Variants in CADPS2 observed in about 807,000 individuals in gnomAD.
CADPS2 encodes the protein calcium-dependent secretion activator 2.
In CADPS2, 93 loss-of-function variants were observed where a neutral mutation model predicts 172.5. That is an observed-to-expected ratio of 0.54 (90% CI 0.46 to 0.64). The LOEUF (loss-of-function observed/expected upper bound fraction) is 0.64. CADPS2 is among the 30% of genes least tolerant of loss of function. The probability of loss-of-function intolerance (pLI) is 0.00; values close to 1 mark genes in which losing one functional copy is unlikely to be tolerated. For synonymous variants in CADPS2, 546 were observed against 555.2 expected, an observed-to-expected ratio of 0.98 and a Z score of 0.23; for missense variants, 1,420 against 1,565.9, an observed-to-expected ratio of 0.91 and a Z score of 1.57.
chr7:122,645,391 G>GTATATATTTACATATACACACATA (rs1435451978), intron 3 of CADPS2, among the ~76,000 whole-genome samples: 1 of 63,560 alleles, frequency 1.6e-5, no homozygotes, highest in East Asian at 3.3e-4. Flanking sequence ...GTACATGTGT[G>GTATATATTTACATATACACACATA]TGTATATATG....
At chr7:122,679,243 C>T (rs981886242) in intron 2 of CADPS2, among the ~76,000 whole-genome samples, 2 of 117,784 alleles carry the variant, frequency 1.7e-5, no homozygotes, top group African/African-American at 3.2e-5. Context: ...TAATTAACAG[C>T]CCTGGGAAAA....
intron 15 of CADPS2, among the ~76,000 whole-genome samples, chr7:122,449,101 A>T (rs1219084637): frequency 6.6e-6 from 1 of 152,154 alleles, no homozygotes; most frequent in East Asian, 1.9e-4. Context: ...ATGCAAATTT[A>T]TTTATTGTTT....
intron 13 of CADPS2, among the ~76,000 whole-genome samples, chr7:122,472,379 G>A (rs1215745243): frequency 6.6e-6 from 1 of 152,128 alleles, no homozygotes; most frequent in East Asian, 1.9e-4. Flanking sequence ...AGGAGTAAGA[G>A]AAGAACCATC....
chr7:122,831,801 A>G (rs1191290432), intron 1 of CADPS2, among the ~76,000 whole-genome samples: 2 of 152,188 alleles, frequency 1.3e-5, no homozygotes, highest in African/African-American at 4.8e-5. Flanking sequence ...TCCACTCTCA[A>G]ATATAACAAT....
At chr7:122,412,078 G>A (rs987830999) in intron 19 of CADPS2, among the ~76,000 whole-genome samples, 2 of 152,198 alleles carry the variant, frequency 1.3e-5, no homozygotes, top group Non-Finnish European at 2.9e-5. Context: ...GCTGAAATGG[G>A]AATTCTACTT....
rs372569644 is a variant in CADPS2 at position 122,438,345 on chromosome 7, T to C, written c.2472A>G (p.Ile824Met). ...ACAATTGCTCACTGCACTGACCTTC[T>C]ATTTTGGCATATTCTGTGAGTCTAG... ...NYTRLTEYAK[I>M]EETMNQASPA... Residue 824 changes from isoleucine to methionine, a missense_variant, in exon 17 of 30, where the codon ATA becomes ATG. By Grantham distance (10) the Ile-to-Met change is conservative. Coordinates refer to ENST00000449022, the MANE Select transcript of CADPS2 (RefSeq NM_017954.11). 4.2e-5 allele frequency: 67 copies of C among 1,612,832 alleles called. No individual in the cohort carries two copies. The highest frequency in any genetic ancestry group is 5.7e-5 in the Non-Finnish European group (67 of 1,179,152).
rs776456344 is a variant in CADPS2 at position 122,886,285 on chromosome 7, T to C, written c.53A>G (p.Glu18Gly). 2.1e-5 allele frequency: 31 copies of C among 1,505,080 alleles called. No homozygotes were observed. The South Asian group carries it at 3.8e-4, about 19-fold the overall frequency. The allele number at this position is 1,505,080 out of a possible 1,614,324, so 93.2% of individuals were successfully genotyped here. A position where few individuals can be genotyped will look rare whatever the true frequency, so the allele number is the denominator to read the frequency against. Residue 18 changes from glutamate (E) to glycine (G), a missense_variant, in exon 1 of 30, where the codon GAA becomes GGA. Glu to Gly is a moderately conservative substitution (Grantham distance 98). Transcript: ENST00000449022. ...EEESDEGLEE[E>G]SRDVLVAAGS... ...GGCTGCCACCAGCACATCGCGGCTT[T>C]CCTCTTCCAGCCCCTCGTCCGACTC...
chr7:122,702,634 T>G (rs752134406), intron 2 of CADPS2: 1 of 1,613,612 alleles, frequency 6.2e-7, no homozygotes, highest in Non-Finnish European at 8.5e-7. Flanking sequence ...TCAGGTGAGC[T>G]GTCCAAATGG....
At chr7:122,706,969 A>G (rs1054490561) in intron 2 of CADPS2, among the ~76,000 whole-genome samples, 3 of 151,484 alleles carry the variant, frequency 2.0e-5, no homozygotes, top group East Asian at 3.9e-4. Context: ...TCTTAGGTTA[A>G]TCATGATTTA....
chr7:122,653,498 C>CT (rs1381744574), intron 3 of CADPS2, among the ~76,000 whole-genome samples: 28 of 152,234 alleles, frequency 1.8e-4, no homozygotes, highest in African/African-American at 6.5e-4. Context: ...ATTGCTTTGC[C>CT]TTATCTTTTC....
chr7:122,650,657 T>C (rs143151970), intron 3 of CADPS2, among the ~76,000 whole-genome samples: 223 of 152,292 alleles, frequency 1.5e-3, no homozygotes, highest in African/African-American at 5.0e-3. Context: ...AATATTCTTA[T>C]GTAACTCTTC....
intron 1 of CADPS2, among the ~76,000 whole-genome samples, chr7:122,815,768 T>C (rs1047693550): frequency 1.3e-5 from 2 of 152,182 alleles, no homozygotes; most frequent in African/African-American, 4.8e-5. Context: ...TGTTTCCATT[T>C]TACTGTCAGA....
intron 1 of CADPS2, among the ~76,000 whole-genome samples, chr7:122,775,972 A>AC (rs1346439722): frequency 1.7e-5 from 2 of 116,426 alleles, no homozygotes; most frequent in African/African-American, 1.0e-4. Flanking sequence ...TCAAGTTCAA[A>AC]AATTTTTTTC....
chr7:122,657,368 G>A lies in CADPS2; in HGVS notation c.786+5869C>T, dbSNP rs550206209. Among the ~76,000 whole-genome samples, 3 of 152,244 alleles carry A rather than the reference G, an allele frequency of 2.0e-5. No individual in the cohort carries two copies. The South Asian group carries it at 6.2e-4, about 32-fold the overall frequency. On this transcript the variant is annotated intron_variant, in intron 3 of 29. Coordinates refer to ENST00000449022, the MANE Select transcript of CADPS2 (RefSeq NM_017954.11). Reference sequence around the variant, plus strand: ...AAGAAAGTCATTGGTAGCTTGATGGGGATGGCATTGAATCTATAAATTACC... The same window carrying A: ...AAGAAAGTCATTGGTAGCTTGATGGAGATGGCATTGAATCTATAAATTACC...
chr7:122,575,867 A>G (rs1216053905), intron 7 of CADPS2, among the ~76,000 whole-genome samples: 1 of 152,188 alleles, frequency 6.6e-6, no homozygotes, highest in African/African-American at 2.4e-5. Flanking sequence ...GACTTACAGA[A>G]AAGTTGCAAA....
chr7:122,708,457 T>A (rs1282116605), intron 2 of CADPS2, among the ~76,000 whole-genome samples: 1 of 46,442 alleles, frequency 2.2e-5, no homozygotes, highest in Non-Finnish European at 5.3e-5. Context: ...TATATATGTG[T>A]GTGGATATAT....
intron 6 of CADPS2, among the ~76,000 whole-genome samples, chr7:122,609,550 A>T (rs986874753): frequency 2.6e-5 from 4 of 152,220 alleles, no homozygotes; most frequent in Non-Finnish European, 5.9e-5. Flanking sequence ...TTTACAAAAT[A>T]AAAATTAAAA....
chr7:122,874,664 G>C (rs1820738781), intron 1 of CADPS2, among the ~76,000 whole-genome samples: 1 of 152,110 alleles, frequency 6.6e-6, no homozygotes, highest in Non-Finnish European at 1.5e-5. Flanking sequence ...AAACAGCATG[G>C]TACTGGTACT....
At chr7:122,560,835 T>G (rs1382985556) in intron 7 of CADPS2, among the ~76,000 whole-genome samples, 1 of 152,096 alleles carries the variant, frequency 6.6e-6, no homozygotes, top group African/African-American at 2.4e-5. Context: ...TGTAGAACCT[T>G]GAGGTAGCAT....
Sources: gnomAD v4.1 joint callset for allele counts (sites outside exome capture counted in the v4.1 genomes callset) on GRCh38, gnomAD v4.1.1 for gene constraint, MANE v1.5 for transcripts, NCBI Gene and HGNC (gene_info 2026-07-23, HGNC 2026-07-21) for gene names.